The following SLC2A13 variants were observed in gnomAD, a reference collection of about 807,000 sequenced individuals.
The protein encoded by SLC2A13 is proton myo-inositol cotransporter.
SLC2A13 carries 32 observed loss-of-function variants against 64.4 expected under a neutral mutation model. The ratio of observed to expected loss-of-function variants is 0.50; its 90% CI spans 0.37 to 0.67. The LOEUF (loss-of-function observed/expected upper bound fraction) is 0.67. Ranked by LOEUF, SLC2A13 falls within the 30% of genes least tolerant of loss-of-function variation. The pLI is 0.00. For missense variants in SLC2A13, 743 were observed against 829.2 expected, an observed-to-expected ratio of 0.90 and a Z score of 1.28; for synonymous variants, 338 against 327.1, an observed-to-expected ratio of 1.03 and a Z score of -0.36.
chr12:39,960,801 G>A (rs1025668932), intron 3 of SLC2A13, among the ~76,000 whole-genome samples: 2 of 142,308 alleles, frequency 1.4e-5, no homozygotes, highest in Non-Finnish European at 3.0e-5. Flanking sequence ...AGGCTGGAGT[G>A]CAGTGGCGTG....
intron 2 of SLC2A13, among the ~76,000 whole-genome samples, chr12:40,035,673 A>C (rs964407596): frequency 4.6e-5 from 7 of 152,224 alleles, no homozygotes; most frequent in African/African-American, 1.4e-4. Context: ...ACCTCGAGAA[A>C]GATTCTGTAT....
chr12:39,987,766 A>G (rs1947055415), intron 3 of SLC2A13, among the ~76,000 whole-genome samples: 1 of 152,142 alleles, frequency 6.6e-6, no homozygotes, highest in Non-Finnish European at 1.5e-5. Context: ...TTATTACTAC[A>G]GTTTAATCTT....
chr12:39,904,447 CAGT>C (rs1945214736), intron 4 of SLC2A13, among the ~76,000 whole-genome samples: 1 of 152,134 alleles, frequency 6.6e-6, no homozygotes. Context: ...TTTCTAAGGA[CAGT>C]AGTCCCAGGC....
In SLC2A13 at chr12:39,906,770, C is replaced by T. The variant is rs944121746; in HGVS notation, c.1035-34809G>A. 2.0e-5 allele frequency among the ~76,000 whole-genome samples: 3 copies of T among 151,964 alleles called. No individual in the cohort carries two copies. In the East Asian group the frequency reaches 5.8e-4, roughly 29 times the overall value. ...ACTTAAATGTGGGGGATTCATAGGT[C>T]TTCTACGATTATTTTAAATTGAACG... On this transcript the variant is annotated intron_variant, in intron 4 of 9. Transcript: ENST00000280871.
At chr12:39,844,515 A>G (rs1322437475) in intron 6 of SLC2A13, among the ~76,000 whole-genome samples, 6 of 152,118 alleles carry the variant, frequency 3.9e-5, no homozygotes, top group African/African-American at 1.4e-4. Context: ...TAAAAGTTCA[A>G]AAGCAACTCA....
chr12:40,026,737 T>A (rs957136544), intron 3 of SLC2A13, among the ~76,000 whole-genome samples: 1 of 152,200 alleles, frequency 6.6e-6, no homozygotes, highest in Non-Finnish European at 1.5e-5. Flanking sequence ...GTTTTTCCAC[T>A]CACACATAAT....
rs1939947161 is a variant in SLC2A13, at chr12:39,755,343, CAG to C, written c.*4681_*4682del. 1 of 151,960 alleles carries C rather than the reference CAG, an allele frequency of 6.6e-6. No homozygotes were observed. Among genetic ancestry groups the C allele is most frequent in the South Asian group, 2.1e-4 (1 of 4,814 alleles). 9.4% of individuals were successfully genotyped at this position (151,960 alleles called of 1,614,324 possible). A position where few individuals can be genotyped will look rare whatever the true frequency, so the allele number is the denominator to read the frequency against. On this transcript the variant is annotated 3_prime_UTR_variant, in exon 10 of 10. Coordinates refer to ENST00000280871, the MANE Select transcript of SLC2A13 (RefSeq NM_052885.4). ...TATTAAATACTATATAACATGCACT[CAG>C]AAATTAAAATATACAGTTTGAAATA...
Position 39,916,924 on chromosome 12 carries a change from G to GTC in SLC2A13, c.1034+34332_1034+34333insGA, listed in dbSNP as rs1945530430. ...AAACATATACGGTGGGGAAAACAGA[G>GTC]CTTCAGTCCTTCTCTACCTTAGGTG... is the stretch of plus-strand genomic sequence containing the variant. On this transcript the variant is annotated intron_variant, in intron 4 of 9. Transcript: ENST00000280871. Among the ~76,000 whole-genome samples the GTC allele has an allele frequency of 2.0e-5, 3 of 152,140 alleles. No individual in the cohort carries two copies. In the South Asian group the frequency reaches 6.2e-4, roughly 32 times the overall value.
intron 4 of SLC2A13, among the ~76,000 whole-genome samples, chr12:39,935,533 T>A (rs1298139826): frequency 6.6e-6 from 1 of 152,194 alleles, no homozygotes; most frequent in African/African-American, 2.4e-5. Context: ...AACTAAAATC[T>A]AGCTGGTTCT....
chr12:40,097,773 G>C (rs966129271), intron 1 of SLC2A13, among the ~76,000 whole-genome samples: 2 of 152,074 alleles, frequency 1.3e-5, no homozygotes, highest in Non-Finnish European at 2.9e-5. Flanking sequence ...GTATACTGCT[G>C]GTAGCAATGT....
At chr12:40,049,886 G>A (rs528797552) in intron 1 of SLC2A13, among the ~76,000 whole-genome samples, 1 of 152,220 alleles carries the variant, frequency 6.6e-6, no homozygotes, top group Non-Finnish European at 1.5e-5. Context: ...CTCAGAACTA[G>A]ATACTAATTT....
intron 4 of SLC2A13, among the ~76,000 whole-genome samples, chr12:39,895,516 A>G (rs11174173): frequency 0.2 from 221 of 1,088 alleles, 22 homozygotes; most frequent in East Asian, 0.56. Flanking sequence ...AAAAAAAATT[A>G]TATATATATA....
At chr12:39,843,388 T>G (rs1353686723) in intron 6 of SLC2A13, among the ~76,000 whole-genome samples, 1 of 152,038 alleles carries the variant, frequency 6.6e-6, no homozygotes, top group Non-Finnish European at 1.5e-5. Context: ...CTTCTTACAG[T>G]AGTGATCCAG....
intron 5 of SLC2A13, among the ~76,000 whole-genome samples, chr12:39,869,004 T>G (rs1317748532): frequency 6.6e-6 from 1 of 152,104 alleles, no homozygotes; most frequent in Admixed American, 6.5e-5. Context: ...TAAATCATAG[T>G]AAGAACACAA....
chr12:39,861,020 T>C (rs1430440406), intron 6 of SLC2A13, among the ~76,000 whole-genome samples: 3 of 152,228 alleles, frequency 2.0e-5, no homozygotes, highest in African/African-American at 7.2e-5. Context: ...GTCTTAATAG[T>C]CTTATCTGAA....
rs1946582155 is a variant in SLC2A13 at position 39,968,763 on chromosome 12, TATATATATATATATATATATATATA to T, written c.926-17423_926-17399del. ...TTATTTTTGTTGTTTTTTTTTGGTA[TATATATATATATATATATATATATA>T]TATATATATATATATATATCTACAT... On this transcript the variant is annotated intron_variant, in intron 3 of 9. Transcript: ENST00000280871. Among the ~76,000 whole-genome samples the T allele has an allele frequency of 1.4e-4, 15 of 108,838 alleles. 3 individuals carry two copies. The highest frequency in any genetic ancestry group is 5.9e-4 in the South Asian group (2 of 3,390). 71.4% of individuals were successfully genotyped at this position (108,838 alleles called of 152,430 possible).
At chr12:40,010,267 A>G (rs1237637187) in intron 3 of SLC2A13, among the ~76,000 whole-genome samples, 1 of 152,218 alleles carries the variant, frequency 6.6e-6, no homozygotes, top group Admixed American at 6.5e-5. Flanking sequence ...TGGATCTGCA[A>G]GTGAGAAAAG....
At chr12:40,059,743 C>T (rs930552835) in intron 1 of SLC2A13, among the ~76,000 whole-genome samples, 5 of 152,044 alleles carry the variant, frequency 3.3e-5, no homozygotes, top group South Asian at 2.1e-4. Flanking sequence ...AAAATGTGAT[C>T]GGACAAAAAG....
intron 3 of SLC2A13, among the ~76,000 whole-genome samples, chr12:39,990,266 T>G (rs1947110887): frequency 6.6e-6 from 1 of 152,204 alleles, no homozygotes. Flanking sequence ...CAGGAATGTC[T>G]CTATCTCTTC....
Sources: gnomAD v4.1 joint callset for allele counts (sites outside exome capture counted in the v4.1 genomes callset) on GRCh38, gnomAD v4.1.1 for gene constraint, MANE v1.5 for transcripts, NCBI Gene and HGNC (gene_info 2026-07-23, HGNC 2026-07-21) for gene names.